SORBS2: variants seen among roughly 807,000 people sequenced by gnomAD.
The protein encoded by SORBS2 is sorbin and SH3 domain-containing protein 2.
Under a neutral mutation model 97.7 loss-of-function variants are expected in SORBS2, and 46 were observed. The ratio of observed to expected loss-of-function variants is 0.47; its 90% CI spans 0.37 to 0.60. SORBS2 has a LOEUF of 0.60. Ranked by LOEUF, SORBS2 falls within the 20% of genes least tolerant of loss-of-function variation. The pLI is 0.00. For missense variants in SORBS2, 1,316 were observed against 1,282.3 expected (o/e 1.03, Z -0.40); for synonymous variants, 476 against 473.4 (o/e 1.01, Z -0.07).
intron 1 of SORBS2, among the ~76,000 whole-genome samples, chr4:185,802,205 A>C (rs1233521602): frequency 2.0e-5 from 3 of 152,214 alleles, no homozygotes; most frequent in Non-Finnish European, 4.4e-5. Context: ...TTGAAGGAAT[A>C]AATAAATGCA....
At chr4:185,950,584 G>A (rs1392404883) in intron 1 of SORBS2, among the ~76,000 whole-genome samples, 1 of 152,198 alleles carries the variant, frequency 6.6e-6, no homozygotes, top group Non-Finnish European at 1.5e-5. Context: ...CTGACGGTGT[G>A]GCTCAGGAGT....
chr4:185,949,808 C>A (rs2099276307), intron 1 of SORBS2, among the ~76,000 whole-genome samples: 1 of 152,118 alleles, frequency 6.6e-6, no homozygotes, highest in Non-Finnish European at 1.5e-5. Context: ...CTATAACTGA[C>A]AACAATAGCA....
At chr4:185,860,454 C>T (rs139888535) in intron 1 of SORBS2, among the ~76,000 whole-genome samples, 3 of 152,310 alleles carry the variant, frequency 2.0e-5, no homozygotes, top group East Asian at 1.9e-4. Flanking sequence ...CTGGCACTCA[C>T]GCTGAAGCCC....
rs1207709762 is a variant in SORBS2, at chr4:185,614,880, G to A, written c.2546C>T (p.Ala849Val). 1.9e-6 allele frequency: 3 copies of A among 1,614,150 alleles called. No homozygotes were observed. Among genetic ancestry groups the A allele is most frequent in the Non-Finnish European group, 2.5e-6 (3 of 1,179,992 alleles). ...TGTGTCTGCGTTGAAGTTGTATTTG[G>A]CTATAGCTTCTCCGATTTCTCCGGG... The change falls in exon 11 of 15, where the codon GCC (alanine) becomes GTC (valine). Residue 849 changes from alanine (A) to valine (V), a missense_variant. By Grantham distance (64) the Ala-to-Val change is moderately conservative (BLOSUM62 0). Transcript: ENST00000418609.
intron 2 of SORBS2, among the ~76,000 whole-genome samples, chr4:185,650,730 G>A (rs932190587): frequency 6.6e-5 from 10 of 152,176 alleles, no homozygotes; most frequent in Admixed American, 2.6e-4. Context: ...TTCAACAGTC[G>A]GACTTCAACT....
chr4:185,588,712 T>G (rs991334625), intron 14 of SORBS2, among the ~76,000 whole-genome samples: 3 of 151,014 alleles, frequency 2.0e-5, no homozygotes, highest in Non-Finnish European at 4.4e-5. Context: ...CCTCTTGGGT[T>G]CAAGCAATTC....
intron 1 of SORBS2, among the ~76,000 whole-genome samples, chr4:185,939,909 C>T (rs2099271015): frequency 6.6e-6 from 1 of 152,200 alleles, no homozygotes; most frequent in East Asian, 1.9e-4. Context: ...TCATAGTCAC[C>T]AACACTCTCC....
At chr4:185,696,748 C>T (rs2098181241) in intron 2 of SORBS2, among the ~76,000 whole-genome samples, 1 of 152,182 alleles carries the variant, frequency 6.6e-6, no homozygotes, top group African/African-American at 2.4e-5. Context: ...AGCCACCCTA[C>T]TTTCATGGAG....
chr4:185,847,553 T>G (rs1053533428), intron 1 of SORBS2, among the ~76,000 whole-genome samples: 2 of 152,148 alleles, frequency 1.3e-5, no homozygotes, highest in Admixed American at 6.5e-5. Flanking sequence ...TCCTCCCAAC[T>G]GCAGCAAGTC....
At chr4:185,649,336 A>C in intron 3 of SORBS2, 131 bp downstream of exon 12, 1 of 702,610 alleles carries the variant, frequency 1.4e-6, no homozygotes, top group Non-Finnish European at 2.2e-6. Flanking sequence ...TCAATATGGT[A>C]TATGTATAGA....
chr4:185,914,079 C>T (rs1318975235), intron 1 of SORBS2, among the ~76,000 whole-genome samples: 1 of 152,208 alleles, frequency 6.6e-6, no homozygotes, highest in Non-Finnish European at 1.5e-5. Context: ...AAAGTACTCA[C>T]TCTTCAGTCT....
intron 1 of SORBS2, among the ~76,000 whole-genome samples, chr4:185,853,201 G>A (rs2149689818): frequency 6.6e-6 from 1 of 152,230 alleles, no homozygotes; most frequent in East Asian, 1.9e-4. Flanking sequence ...ATAAATAATA[G>A]CGACCATCAC....
At chr4:185,817,206 A>G (rs1395263277) in intron 1 of SORBS2, among the ~76,000 whole-genome samples, 2 of 151,074 alleles carry the variant, frequency 1.3e-5, no homozygotes, top group African/African-American at 2.4e-5. Context: ...GTGTTATCCA[A>G]TAATAACAAA....
In SORBS2 at chr4:185,623,598, G is replaced by C. The variant is rs1479501575; in HGVS notation, c.1531C>G (p.His511Asp). ...CCCTCTAGGTGAATGTAGTCACTGT[G>C]GTCGGACACAACCCCGTCCTGGTCG... Residue 511 changes from histidine to aspartate, a missense_variant, in exon 7 of 15, where the codon CAC becomes GAC. His to Asp is a moderately conservative substitution (Grantham distance 81). Transcript: ENST00000418609. This position sits in a 1 kb window ranked among gnomAD's most constrained non-coding sequence, Gnocchi z 6.4. 1.2e-6 allele frequency: 2 copies of C among 1,614,132 alleles called. No individual in the cohort carries two copies.
At chr4:185,807,131 GA>G (rs1373664592) in intron 1 of SORBS2, among the ~76,000 whole-genome samples, 1 of 151,828 alleles carries the variant, frequency 6.6e-6, no homozygotes. Flanking sequence ...TAAATGAACA[GA>G]AAAAAACAAA....
intron 2 of SORBS2, among the ~76,000 whole-genome samples, chr4:185,770,237 G>A (rs1047993070): frequency 2.0e-5 from 3 of 152,138 alleles, no homozygotes; most frequent in South Asian, 2.1e-4. Flanking sequence ...TTTCTCCAGC[G>A]TCATCTGCCT....
intron 1 of SORBS2, among the ~76,000 whole-genome samples, chr4:185,888,060 T>G (rs575575123): frequency 1.1e-4 from 9 of 82,480 alleles, no homozygotes; most frequent in Admixed American, 1.3e-4. Context: ...TGACATTCTA[T>G]ATTATTATTA....
At chr4:185,797,115 T>C (rs925119650) in intron 1 of SORBS2, among the ~76,000 whole-genome samples, 2 of 152,228 alleles carry the variant, frequency 1.3e-5, no homozygotes, top group Non-Finnish European at 2.9e-5. Context: ...CCTCACTCTA[T>C]GCATCCCATG....
At chr4:185,899,174 T>C (rs2099246378) in intron 1 of SORBS2, among the ~76,000 whole-genome samples, 1 of 152,056 alleles carries the variant, frequency 6.6e-6, no homozygotes, top group Admixed American at 6.5e-5. Context: ...CTCCCAGCAT[T>C]CACAGGCAAT....
Sources: gnomAD v4.1 joint callset for allele counts (sites outside exome capture counted in the v4.1 genomes callset) on GRCh38, gnomAD v4.1.1 for gene constraint, Gnocchi (gnomAD v3.1) non-coding constraint, MANE v1.5 for transcripts, NCBI Gene and HGNC (gene_info 2026-07-23, HGNC 2026-07-21) for gene names.